The following GNAI1 variants were observed in gnomAD, a reference collection of about 807,000 sequenced individuals.
GNAI1 encodes the protein guanine nucleotide-binding protein G(i) subunit alpha-1.
A neutral mutation model predicts 38.9 loss-of-function variants in GNAI1; 11 were observed. The ratio of observed to expected loss-of-function variants is 0.28; its 90% CI spans 0.18 to 0.47. GNAI1 has a LOEUF of 0.47. Among genes scored for constraint, GNAI1 ranks in the 20% least tolerant of loss-of-function variants. The pLI is 0.99. For synonymous variants in GNAI1, 166 were observed against 145.1 expected, an observed-to-expected ratio of 1.14 and a Z score of -1.04; for missense variants, 317 against 436.9, an observed-to-expected ratio of 0.73 and a Z score of 2.45.
chr7:80,201,735 A>C (rs1788689517), intron 4 of GNAI1, among the ~76,000 whole-genome samples: 1 of 152,148 alleles, frequency 6.6e-6, no homozygotes, highest in African/African-American at 2.4e-5. Context: ...AAGAAAAAAA[A>C]ATTAAAATTA....
chr7:80,217,229 T>TGAAACTGACTTCAGTTTCATATGGAG, intron 7 of GNAI1, 74 bp from the exon 8 acceptor site: 1 of 1,004,986 alleles, frequency 1.0e-6, no homozygotes, highest in Non-Finnish European at 1.5e-6. Flanking sequence ...TTCATATGTA[T>TGAAACTGACTTCAGTTTCATATGGAG]GAAACTGAAT....
intron 1 of GNAI1, among the ~76,000 whole-genome samples, chr7:80,175,364 A>ATG (rs71518972): frequency 0.13 from 19,455 of 150,402 alleles, 1,392 homozygotes; most frequent in African/African-American, 0.18. Flanking sequence ...GTGTATATTT[A>ATG]TGTGTGTGTG....
chr7:80,135,897 T>G, intron 1 of GNAI1: 1 of 985,284 alleles, frequency 1.0e-6, no homozygotes, highest in Non-Finnish European at 1.2e-6. Flanking sequence ...GGATGCTTGA[T>G]TTTTCTTGCT....
At chr7:80,177,905 C>G (rs1414110948) in intron 1 of GNAI1, among the ~76,000 whole-genome samples, 3 of 152,124 alleles carry the variant, frequency 2.0e-5, no homozygotes, top group Non-Finnish European at 2.9e-5. Context: ...GATAGTGATT[C>G]CTTTAATAGA....
intron 1 of GNAI1, among the ~76,000 whole-genome samples, chr7:80,169,909 G>T (rs541631087): frequency 9.2e-5 from 14 of 151,968 alleles, no homozygotes; most frequent in Non-Finnish European, 1.8e-4. Flanking sequence ...TGGACATTTC[G>T]TATAAATGGA....
At chr7:80,137,317 C>CTT (rs398005254) in intron 1 of GNAI1, among the ~76,000 whole-genome samples, 3,425 of 53,306 alleles carry the variant, frequency 0.064, 185 homozygotes, top group African/African-American at 0.12. Flanking sequence ...CTTTTCTTTT[C>CTT]TTTTTTTTTT....
At chr7:80,212,917 T>C in intron 7 of GNAI1, 48 bp downstream of exon 7, 1 of 1,262,556 alleles carries the variant, frequency 7.9e-7, no homozygotes, top group Non-Finnish European at 1.1e-6. Context: ...TATTTCTAAG[T>C]GAAACTTCCC....
At chr7:80,142,471 C>T (rs181783811) in intron 1 of GNAI1, among the ~76,000 whole-genome samples, 2 of 152,262 alleles carry the variant, frequency 1.3e-5, no homozygotes, top group East Asian at 3.9e-4. Flanking sequence ...CGTCTCCCTT[C>T]CTACTAATAC....
In GNAI1 at chr7:80,223,617, G is replaced by A. The variant is rs1562849331; in HGVS notation, c.*6124G>A. On this transcript the variant is annotated 3_prime_UTR_variant, in exon 8 of 8. Coordinates refer to ENST00000649796, the MANE Select transcript of GNAI1 (RefSeq NM_002069.6). ...GTATCAATTTTGTAGCTTGTGGAAT[G>A]CGGACTATCCCAGCAGCAAATTCAT... Among the ~76,000 whole-genome samples the A allele has an allele frequency of 6.6e-6, 1 of 152,154 alleles. No individual in the cohort carries two copies. The highest frequency in any genetic ancestry group is 1.5e-5 in the Non-Finnish European group (1 of 68,032).
intron 1 of GNAI1, among the ~76,000 whole-genome samples, chr7:80,138,498 G>C (rs907467611): frequency 6.6e-6 from 1 of 152,034 alleles, no homozygotes; most frequent in Non-Finnish European, 1.5e-5. Flanking sequence ...AATAATGAAA[G>C]TTTTTTATAT....
chr7:80,193,128 A>G (rs6467044), intron 3 of GNAI1, among the ~76,000 whole-genome samples: 1 of 151,968 alleles, frequency 6.6e-6, no homozygotes, highest in East Asian at 1.9e-4. Context: ...AGCGCACCCC[A>G]TTTCATTCCG....
At chr7:80,179,002 G>A (rs1788244900) in intron 1 of GNAI1, among the ~76,000 whole-genome samples, 1 of 152,138 alleles carries the variant, frequency 6.6e-6, no homozygotes, top group Admixed American at 6.5e-5. Flanking sequence ...CAACAAAAGT[G>A]TAATGTATTA....
intron 1 of GNAI1, among the ~76,000 whole-genome samples, chr7:80,163,555 G>A (rs920332865): frequency 7.2e-5 from 11 of 152,158 alleles, no homozygotes; most frequent in African/African-American, 2.7e-4. Context: ...AGCATTTTGA[G>A]TCCAAGTTCT....
chr7:80,167,319 A>G (rs1788028039), intron 1 of GNAI1, among the ~76,000 whole-genome samples: 1 of 152,204 alleles, frequency 6.6e-6, no homozygotes, highest in African/African-American at 2.4e-5. Flanking sequence ...GTATAGCAGG[A>G]GGCGTATGCA....
intron 1 of GNAI1, among the ~76,000 whole-genome samples, chr7:80,174,765 A>C (rs148231666): frequency 6.6e-6 from 1 of 152,290 alleles, no homozygotes; most frequent in East Asian, 1.9e-4. Context: ...TAAGGAAGGC[A>C]GATGTTTATT....
intron 1 of GNAI1, among the ~76,000 whole-genome samples, chr7:80,179,111 G>A (rs1172475993): frequency 6.6e-6 from 1 of 152,126 alleles, no homozygotes; most frequent in African/African-American, 2.4e-5. Context: ...ACTATTTTGG[G>A]GAGGGAAGGG....
At position 80,186,158 on chromosome 7, in the gene GNAI1, G is replaced by A. The variant is rs554967670; in HGVS notation, c.119-2793G>A. ...AGCAGCTCTTCTGCCTCAGCCTCCCGAGTAGCTGGGTCTATAGGCACCTAC... is the reference window on the plus strand; with the variant it reads ...AGCAGCTCTTCTGCCTCAGCCTCCCAAGTAGCTGGGTCTATAGGCACCTAC... On this transcript the variant is annotated intron_variant, in intron 1 of 7. Coordinates refer to ENST00000649796, the MANE Select transcript of GNAI1 (RefSeq NM_002069.6). Among the ~76,000 whole-genome samples, 8 of 149,266 alleles carry A rather than the reference G, an allele frequency of 5.4e-5. No individual in the cohort carries two copies. In the South Asian group the frequency reaches 1.1e-3, roughly 20 times the overall value.
chr7:80,153,874 A>G (rs1390530712), intron 1 of GNAI1, among the ~76,000 whole-genome samples: 2 of 152,152 alleles, frequency 1.3e-5, no homozygotes, highest in Non-Finnish European at 2.9e-5. Flanking sequence ...ATACATTTCT[A>G]TGGAAATTAG....
intron 1 of GNAI1, among the ~76,000 whole-genome samples, chr7:80,144,008 T>C (rs2116079698): frequency 6.6e-6 from 1 of 152,162 alleles, no homozygotes; most frequent in South Asian, 2.1e-4. Flanking sequence ...AATTCAGTTT[T>C]AAACATTAGT....
Sources: gnomAD v4.1 joint callset for allele counts (sites outside exome capture counted in the v4.1 genomes callset) on GRCh38, gnomAD v4.1.1 for gene constraint, MANE v1.5 for transcripts, NCBI Gene and HGNC (gene_info 2026-07-23, HGNC 2026-07-21) for gene names.